PCLO: variants seen among roughly 807,000 people sequenced by gnomAD.
PCLO encodes protein piccolo.
Under a neutral mutation model 427.5 loss-of-function variants are expected in PCLO, and 82 were observed. The ratio of observed to expected loss-of-function variants is 0.19; its 90% CI spans 0.16 to 0.23. The LOEUF is 0.23. Among genes scored for constraint, PCLO ranks in the 10% least tolerant of loss-of-function variants. The pLI is 1.00. For synonymous variants in PCLO, 2,357 were observed against 2,155.4 expected, an observed-to-expected ratio of 1.09 and a Z score of -2.59; for missense variants, 6,239 against 6,115.9, an observed-to-expected ratio of 1.02 and a Z score of -0.67.
intron 3 of PCLO, among the ~76,000 whole-genome samples, chr7:83,059,022 T>C (rs1399710053): frequency 1.3e-5 from 2 of 151,960 alleles, no homozygotes; most frequent in South Asian, 4.1e-4. Flanking sequence ...AAATTCCTTC[T>C]TACATTTATT....
intron 4 of PCLO, among the ~76,000 whole-genome samples, chr7:82,960,328 C>G (rs1006186697): frequency 5.3e-5 from 8 of 152,174 alleles, no homozygotes; most frequent in African/African-American, 1.7e-4. Context: ...ATCGGATGCT[C>G]TCATCTAAGC....
chr7:82,967,530 A>T (rs1795806992), intron 3 of PCLO, among the ~76,000 whole-genome samples: 1 of 152,060 alleles, frequency 6.6e-6, no homozygotes, highest in South Asian at 2.1e-4. Flanking sequence ...ACCCGCACTA[A>T]ATCAACTAAT....
intron 22 of PCLO, among the ~76,000 whole-genome samples, chr7:82,779,490 A>G (rs934676502): frequency 6.6e-6 from 1 of 152,108 alleles, no homozygotes; most frequent in African/African-American, 2.4e-5. Flanking sequence ...ATTTGTGGTG[A>G]TTTGGAATTA....
chr7:83,075,936 A>G (rs1789939726), intron 3 of PCLO, among the ~76,000 whole-genome samples: 2 of 152,156 alleles, frequency 1.3e-5, no homozygotes, highest in Admixed American at 1.3e-4. Flanking sequence ...AGAGTGTTAA[A>G]GAATTTTACA....
intron 3 of PCLO, among the ~76,000 whole-genome samples, chr7:83,087,251 G>A (rs1467149825): frequency 6.6e-6 from 1 of 151,670 alleles, no homozygotes; most frequent in African/African-American, 2.4e-5. Flanking sequence ...GTTAAGCCAT[G>A]AGTACACAAA....
rs765347689 is a variant in PCLO, at chr7:82,955,951, T to C, written c.5002A>G (p.Lys1668Glu). ...VTGGGGLRRFKTIELNSTIAD... is the reference protein window; with the variant it reads ...VTGGGGLRRFETIELNSTIAD... The stretch of plus-strand genomic sequence containing the variant: ...ATTGTACTGTTGAGCTCAATTGTTT[T>C]AAATCGGCGTAGCCCTCCTCCTCCA... Residue 1668 changes from lysine (K) to glutamate (E), a missense_variant, in exon 5 of 25, where the codon AAA (lysine) becomes GAA (glutamate). By Grantham distance (56) the Lys-to-Glu change is moderately conservative. Coordinates refer to ENST00000333891, the MANE Select transcript of PCLO (RefSeq NM_033026.6). 1 of 1,613,768 alleles carries C rather than the reference T, an allele frequency of 6.2e-7. No homozygotes were observed. The highest frequency in any genetic ancestry group is 1.7e-5 in the Admixed American group (1 of 60,030).
intron 6 of PCLO, among the ~76,000 whole-genome samples, chr7:82,926,607 T>TA (rs970616035): frequency 5.3e-5 from 8 of 152,184 alleles, no homozygotes; most frequent in African/African-American, 1.7e-4. Context: ...AGCTTTTCCT[T>TA]AATGCGCCTC....
chr7:83,110,243 T>C (rs1790969050), intron 3 of PCLO, among the ~76,000 whole-genome samples: 1 of 151,902 alleles, frequency 6.6e-6, no homozygotes, highest in Admixed American at 6.6e-5. Context: ...TACAGAATAA[T>C]TTGTATATTT....
chr7:83,055,810 T>C (rs1158676080), intron 3 of PCLO, among the ~76,000 whole-genome samples: 4 of 152,156 alleles, frequency 2.6e-5, no homozygotes, highest in African/African-American at 9.6e-5. Flanking sequence ...ATAATCCAAG[T>C]CATTAAATAT....
intron 2 of PCLO, among the ~76,000 whole-genome samples, chr7:83,148,688 T>G (rs901489536): frequency 3.3e-5 from 5 of 152,166 alleles, no homozygotes; most frequent in African/African-American, 1.2e-4. Context: ...AGTAAGAATT[T>G]TCTTACATTC....
chr7:82,812,998 T>C (rs1791604556), intron 20 of PCLO, among the ~76,000 whole-genome samples: 1 of 151,648 alleles, frequency 6.6e-6, no homozygotes, highest in African/African-American at 2.4e-5. Context: ...ATAGTCATTT[T>C]GAAAAAAGTT....
chr7:82,893,351 T>C (rs1320973613), intron 9 of PCLO, among the ~76,000 whole-genome samples: 6 of 151,866 alleles, frequency 4.0e-5, no homozygotes, highest in African/African-American at 7.3e-5. Context: ...CATGTTCTCA[T>C]TCATAGGTGG....
chr7:82,986,209 G>A (rs529299766), intron 3 of PCLO, among the ~76,000 whole-genome samples: 8 of 151,890 alleles, frequency 5.3e-5, no homozygotes, highest in Non-Finnish European at 1.2e-4. Context: ...ACAGATTATA[G>A]GTTGCTTTTG....
chr7:82,852,010 GA>G (rs561117287), intron 10 of PCLO, among the ~76,000 whole-genome samples: 4 of 151,880 alleles, frequency 2.6e-5, no homozygotes, highest in South Asian at 2.1e-4. Context: ...ATAAAAGGGG[GA>G]AAGGTAAGAA....
At chr7:82,904,087 G>C (rs1336024906) in intron 8 of PCLO, among the ~76,000 whole-genome samples, 5 of 151,966 alleles carry the variant, frequency 3.3e-5, no homozygotes, top group African/African-American at 7.2e-5. Flanking sequence ...GAATTCTGCA[G>C]AGTAAAACAA....
rs568935207 is a variant in PCLO at position 82,831,221 on chromosome 7, T to C, written c.14250-3255A>G. On this transcript the variant is annotated intron_variant, in intron 16 of 24. Transcript: ENST00000333891. ...CTTGAAGCTCAGAAAAATTAAGGCG[T>C]ATTGTCAAAGTTGCATAGTTATTAA... is the stretch of plus-strand genomic sequence containing the variant. Among the ~76,000 whole-genome samples the C allele has an allele frequency of 1.6e-4, 25 of 152,244 alleles. No homozygotes were observed. In the South Asian group the frequency reaches 2.3e-3, roughly 14 times the overall value.
At chr7:82,835,587 A>G in intron 16 of PCLO, 80 bp downstream of exon 16, 2 of 1,016,912 alleles carry the variant, frequency 2.0e-6, no homozygotes, top group Non-Finnish European at 1.5e-6. Context: ...TTGAAGTGCC[A>G]GTGAATGTAC....
At position 83,018,590 on chromosome 7, in the gene PCLO, T is replaced by C. The variant is rs539457760; in HGVS notation, c.3301-52103A>G. Among the ~76,000 whole-genome samples, 6 of 152,144 alleles carry C rather than the reference T, an allele frequency of 3.9e-5. No homozygotes were observed. The South Asian group carries it at 1.0e-3, about 26-fold the overall frequency. ...TTTATAATGCTCATAATGGTTATAT[T>C]AAAATCATTATAAACTCCATTTCAA... On this transcript the variant is annotated intron_variant, in intron 3 of 24. Coordinates refer to ENST00000333891, the MANE Select transcript of PCLO (RefSeq NM_033026.6).
chr7:82,803,290 C>T (rs1791396755), intron 21 of PCLO, among the ~76,000 whole-genome samples: 1 of 151,974 alleles, frequency 6.6e-6, no homozygotes, highest in Non-Finnish European at 1.5e-5. Context: ...AAGTGCAGGT[C>T]TTTTTAGTAT....
Sources: gnomAD v4.1 joint callset for allele counts (sites outside exome capture counted in the v4.1 genomes callset) on GRCh38, gnomAD v4.1.1 for gene constraint, MANE v1.5 for transcripts, NCBI Gene and HGNC (gene_info 2026-07-23, HGNC 2026-07-21) for gene names.